Variants in RABGAP1L observed in about 807,000 individuals in gnomAD.
RABGAP1L encodes rab GTPase-activating protein 1-like.
In RABGAP1L, 63 loss-of-function variants were observed where a neutral mutation model predicts 137.7. That is an observed-to-expected ratio of 0.46 (90% CI 0.37 to 0.56). The LOEUF is 0.56. Ranked by LOEUF, RABGAP1L falls within the 20% of genes least tolerant of loss-of-function variation. RABGAP1L has a pLI of 0.00. For missense variants in RABGAP1L, 1,095 were observed against 1,244.0 expected (o/e 0.88, Z 1.80); for synonymous variants, 431 against 433.7 (o/e 0.99, Z 0.08).
chr1:174,185,466 A>T (rs956196053), intron 1 of RABGAP1L, among the ~76,000 whole-genome samples: 2 of 152,200 alleles, frequency 1.3e-5, no homozygotes, highest in African/African-American at 4.8e-5. Flanking sequence ...TATACATTCA[A>T]ATAATTATTT....
At chr1:174,677,228 G>A (rs1376802473) in intron 14 of RABGAP1L, among the ~76,000 whole-genome samples, 1 of 152,114 alleles carries the variant, frequency 6.6e-6, no homozygotes, top group Non-Finnish European at 1.5e-5. Flanking sequence ...AGGCTAAGGT[G>A]GGAGAATCTT....
chr1:174,350,108 C>T (rs1328388230), intron 11 of RABGAP1L, among the ~76,000 whole-genome samples: 4 of 141,454 alleles, frequency 2.8e-5, no homozygotes, highest in Non-Finnish European at 4.7e-5. Context: ...CACCTCCCTC[C>T]CGGACGGCAC....
chr1:174,931,982 CTTTTTTGGTTTTTTTTTTTT>C (rs1237268276), intron 19 of RABGAP1L, among the ~76,000 whole-genome samples: 146 of 91,918 alleles, frequency 1.6e-3, no homozygotes, highest in Non-Finnish European at 2.4e-3. Flanking sequence ...CTTTAGACTG[CTTTTTTGGTTTTTTTTTTTT>C]TTTTTTTTTT....
chr1:174,224,747 A>G (rs957495868), intron 3 of RABGAP1L, among the ~76,000 whole-genome samples: 3 of 152,160 alleles, frequency 2.0e-5, no homozygotes, highest in Admixed American at 6.5e-5. Context: ...AGCCATACGT[A>G]TATTTCCTTG....
At chr1:174,411,063 T>C (rs1649870221) in intron 13 of RABGAP1L, among the ~76,000 whole-genome samples, 1 of 152,196 alleles carries the variant, frequency 6.6e-6, no homozygotes, top group African/African-American at 2.4e-5. Context: ...TATATAGAAA[T>C]GCTACTGATT....
chr1:174,632,100 A>G (rs1673443490), intron 13 of RABGAP1L, among the ~76,000 whole-genome samples: 1 of 126,154 alleles, frequency 7.9e-6, no homozygotes, highest in South Asian at 3.1e-4. Context: ...TGGTGACAAA[A>G]TCTGTCAGCA....
chr1:174,551,205 T>C (rs1666522912), intron 13 of RABGAP1L, among the ~76,000 whole-genome samples: 1 of 149,006 alleles, frequency 6.7e-6, no homozygotes, highest in African/African-American at 2.5e-5. Flanking sequence ...CAAGACTCCA[T>C]CTCAAAAAAA....
At chr1:174,217,272 A>G (rs1321288956) in intron 1 of RABGAP1L, among the ~76,000 whole-genome samples, 1 of 152,194 alleles carries the variant, frequency 6.6e-6, no homozygotes, top group African/African-American at 2.4e-5. Flanking sequence ...TTCATTTAAG[A>G]TACGATAAGA....
chr1:174,877,408 G>T (rs934673221), intron 19 of RABGAP1L: 15 of 1,584,514 alleles, frequency 9.5e-6, no homozygotes, highest in Non-Finnish European at 1.3e-5. Flanking sequence ...GTGTACACTG[G>T]CACTGAGCTG....
intron 19 of RABGAP1L, among the ~76,000 whole-genome samples, chr1:174,820,333 T>G (rs537810924): frequency 7.2e-4 from 110 of 152,274 alleles, no homozygotes; most frequent in African/African-American, 2.6e-3. Flanking sequence ...ATCCCTGATT[T>G]GTAGCGTTTG....
chr1:174,513,682 T>A (rs978109120), intron 13 of RABGAP1L, among the ~76,000 whole-genome samples: 1 of 152,182 alleles, frequency 6.6e-6, no homozygotes, highest in African/African-American at 2.4e-5. Flanking sequence ...GACTAAATCA[T>A]TATTATAAGC....
chr1:174,180,291 T>G (rs1666243163), intron 1 of RABGAP1L, among the ~76,000 whole-genome samples: 1 of 152,236 alleles, frequency 6.6e-6, no homozygotes, highest in Non-Finnish European at 1.5e-5. Context: ...CAAGTTGGTG[T>G]GACCACACTG....
intron 17 of RABGAP1L, among the ~76,000 whole-genome samples, chr1:174,718,638 A>G (rs1279561966): frequency 6.6e-6 from 1 of 152,122 alleles, no homozygotes; most frequent in Non-Finnish European, 1.5e-5. Context: ...TAATGGCAAT[A>G]AAACGTTCCT....
At chr1:174,199,524 G>A (rs181268104) in intron 1 of RABGAP1L, among the ~76,000 whole-genome samples, 9 of 152,124 alleles carry the variant, frequency 5.9e-5, no homozygotes, top group East Asian at 5.8e-4. Flanking sequence ...ACTCCTGACC[G>A]CAAGTGATCC....
intron 12 of RABGAP1L, among the ~76,000 whole-genome samples, chr1:174,382,827 T>A (rs898024249): frequency 6.6e-6 from 1 of 152,044 alleles, no homozygotes; most frequent in African/African-American, 2.4e-5. Flanking sequence ...GTTCCGTTGC[T>A]GGTGAGGAAC....
chr1:174,468,137 T>C (rs1482303820), intron 13 of RABGAP1L, among the ~76,000 whole-genome samples: 1 of 152,150 alleles, frequency 6.6e-6, no homozygotes, highest in African/African-American at 2.4e-5. Flanking sequence ...TTATTGCTTT[T>C]GTTTACTTAT....
chr1:174,892,117 G>A lies in RABGAP1L; in HGVS notation c.2341-65340G>A, dbSNP rs897596391. Among the ~76,000 whole-genome samples the A allele has an allele frequency of 6.6e-5, 10 of 152,358 alleles. No homozygotes were observed. In the Middle Eastern group the frequency reaches 0.01, roughly 155 times the overall value. ...TACACCTCCAACCGGCCTGGAGCCCGTGGCTTCCCTGGCTCCTGCAAGCAT... is the reference window on the plus strand; with the variant it reads ...TACACCTCCAACCGGCCTGGAGCCCATGGCTTCCCTGGCTCCTGCAAGCAT... On this transcript the variant is annotated intron_variant, in intron 19 of 25. Transcript: ENST00000681986.
intron 14 of RABGAP1L, among the ~76,000 whole-genome samples, chr1:174,657,606 G>GGT (rs1676057159): frequency 6.6e-6 from 1 of 151,962 alleles, no homozygotes; most frequent in South Asian, 2.1e-4. Flanking sequence ...TATTCCATTT[G>GGT]GTATATATAC....
chr1:174,281,355 T>A (rs1172695255), intron 10 of RABGAP1L, among the ~76,000 whole-genome samples: 1 of 152,186 alleles, frequency 6.6e-6, no homozygotes, highest in Non-Finnish European at 1.5e-5. Flanking sequence ...TTTTACAGAG[T>A]GCTGTTTGGT....
Sources: gnomAD v4.1 joint callset for allele counts (sites outside exome capture counted in the v4.1 genomes callset) on GRCh38, gnomAD v4.1.1 for gene constraint, MANE v1.5 for transcripts, NCBI Gene and HGNC (gene_info 2026-07-23, HGNC 2026-07-21) for gene names.